The following SGCD variants were observed in gnomAD, a reference collection of about 807,000 sequenced individuals.
SGCD encodes the protein sarcoglycan delta, also known as delta-sarcoglycan.
In SGCD, 18 loss-of-function variants were observed where a neutral mutation model predicts 36.6. The observed-to-expected ratio is 0.49, with a 90% CI of 0.34 to 0.73. The LOEUF (loss-of-function observed/expected upper bound fraction) is 0.73. Ranked by LOEUF, SGCD falls within the 30% of genes least tolerant of loss-of-function variation. SGCD has a pLI of 0.01. For synonymous variants in SGCD, 133 were observed against 130.6 expected (o/e 1.02, Z -0.12); for missense variants, 387 against 346.7 (o/e 1.12, Z -0.92).
At chr5:155,861,034 G>A in the SGCD span, among the ~76,000 whole-genome samples, 9 of 152,248 alleles carry the variant, frequency 5.9e-5, no homozygotes, top group African/African-American at 9.6e-5. Flanking sequence ...AATAGCGTGC[G>A]TGCACACACA....
chr5:156,691,793 G>A (rs982805052), intron 7 of SGCD, among the ~76,000 whole-genome samples: 1 of 152,216 alleles, frequency 6.6e-6, no homozygotes, highest in Non-Finnish European at 1.5e-5. Flanking sequence ...AACCGAATTA[G>A]CATGTGCTGA....
intron 1 of SGCD, among the ~76,000 whole-genome samples, chr5:155,997,555 T>C (rs1292757540): frequency 1.3e-5 from 2 of 152,210 alleles, no homozygotes; most frequent in African/African-American, 4.8e-5. Flanking sequence ...CAACAAAAAC[T>C]AGAATGGATG....
At chr5:156,342,229 G>A (rs1345291597) in intron 2 of SGCD, among the ~76,000 whole-genome samples, 8 of 152,266 alleles carry the variant, frequency 5.3e-5, no homozygotes, top group Admixed American at 2.0e-4. Flanking sequence ...TGACACCATC[G>A]ATTGGGTTGA....
chr5:156,701,412 C>T (rs1172339279), intron 7 of SGCD, among the ~76,000 whole-genome samples: 2 of 152,202 alleles, frequency 1.3e-5, no homozygotes, highest in African/African-American at 4.8e-5. Context: ...TACTACTCTA[C>T]TGTTCAAGCT....
At chr5:156,515,703 G>A (rs1475652902) in intron 4 of SGCD, among the ~76,000 whole-genome samples, 1 of 152,248 alleles carries the variant, frequency 6.6e-6, no homozygotes, top group Non-Finnish European at 1.5e-5. Flanking sequence ...CCCAAGAACA[G>A]AGCTGTGCAG....
intron 4 of SGCD, among the ~76,000 whole-genome samples, chr5:156,513,678 A>G (rs1757035766): frequency 6.6e-6 from 1 of 152,242 alleles, no homozygotes; most frequent in African/African-American, 2.4e-5. Flanking sequence ...CACAGTGTTC[A>G]GCACTGTATC....
At chr5:156,351,331 T>A (rs1032134864) in intron 3 of SGCD, among the ~76,000 whole-genome samples, 1 of 152,192 alleles carries the variant, frequency 6.6e-6, no homozygotes, top group African/African-American at 2.4e-5. Context: ...AGAGTCAGTG[T>A]TGACAACAGA....
intron 4 of SGCD, among the ~76,000 whole-genome samples, chr5:156,516,703 TG>T (rs948338115): frequency 5.3e-5 from 8 of 152,010 alleles, no homozygotes; most frequent in African/African-American, 1.7e-4. Flanking sequence ...CTTCAGAAGG[TG>T]GGTAATAATG....
chr5:155,832,888 C>T, the SGCD span, among the ~76,000 whole-genome samples: 30 of 151,816 alleles, frequency 2.0e-4, no homozygotes, highest in African/African-American at 7.0e-4. Flanking sequence ...AGGAATCTTG[C>T]GTACTTGTCA....
chr5:156,434,462 A>G (rs962962813), intron 3 of SGCD, among the ~76,000 whole-genome samples: 2 of 152,204 alleles, frequency 1.3e-5, no homozygotes, highest in African/African-American at 2.4e-5. Flanking sequence ...ATATTGGCCC[A>G]CTTAGGGAAG....
intron 4 of SGCD, among the ~76,000 whole-genome samples, chr5:156,512,374 C>A (rs1474432686): frequency 6.6e-6 from 1 of 151,950 alleles, no homozygotes; most frequent in Non-Finnish European, 1.5e-5. Context: ...TAGATACTTC[C>A]CGCTGTTCCA....
At chr5:155,738,715 TGAGA>T in the SGCD span, among the ~76,000 whole-genome samples, 1 of 149,084 alleles carries the variant, frequency 6.7e-6, no homozygotes, top group Non-Finnish European at 1.5e-5. Flanking sequence ...TGTGTGAGTG[TGAGA>T]GAGTGTGTGT....
intron 7 of SGCD, among the ~76,000 whole-genome samples, chr5:156,715,417 C>A (rs1755174075): frequency 6.6e-6 from 1 of 152,184 alleles, no homozygotes; most frequent in Non-Finnish European, 1.5e-5. Context: ...TACACTTGCA[C>A]AATTAGGGCT....
chr5:155,994,162 C>T (rs1419994597), intron 1 of SGCD, among the ~76,000 whole-genome samples: 1 of 152,184 alleles, frequency 6.6e-6, no homozygotes, highest in Non-Finnish European at 1.5e-5. Flanking sequence ...ACATCATACA[C>T]TTTGGTGGAA....
intron 3 of SGCD, among the ~76,000 whole-genome samples, chr5:156,245,195 C>T (rs1289385545): frequency 6.6e-6 from 1 of 152,162 alleles, no homozygotes; most frequent in East Asian, 1.9e-4. Flanking sequence ...GGTGCTTCCT[C>T]AAATATCTTC....
chr5:156,425,265 C>T (rs1773623919), intron 3 of SGCD, among the ~76,000 whole-genome samples: 1 of 152,048 alleles, frequency 6.6e-6, no homozygotes, highest in African/African-American at 2.4e-5. Flanking sequence ...CCCCAGGTCA[C>T]AGTTCAGAAG....
At chr5:156,377,701 G>A (rs1228577865) in intron 3 of SGCD, among the ~76,000 whole-genome samples, 1 of 151,936 alleles carries the variant, frequency 6.6e-6, no homozygotes, top group Non-Finnish European at 1.5e-5. Context: ...TAAAATGTAG[G>A]CTAAAACACA....
At chr5:155,959,402 A>G (rs898041965) in intron 1 of SGCD, among the ~76,000 whole-genome samples, 3 of 152,104 alleles carry the variant, frequency 2.0e-5, no homozygotes, top group African/African-American at 7.2e-5. Flanking sequence ...TTGCCAAGGG[A>G]CATTTCCTAG....
At chr5:156,046,549 A>C (rs1189742594) in intron 1 of SGCD, among the ~76,000 whole-genome samples, 1 of 152,026 alleles carries the variant, frequency 6.6e-6, no homozygotes, top group Non-Finnish European at 1.5e-5. Context: ...AAATCTTTTC[A>C]GTACTATTTT....
Sources: allele counts gnomAD v4.1 joint callset (sites outside exome capture counted in the v4.1 genomes callset), GRCh38; gene constraint gnomAD v4.1.1; transcripts MANE v1.5; gene names NCBI Gene and HGNC (gene_info 2026-07-23, HGNC 2026-07-21).